The following CDH1 variants were observed in gnomAD, a reference collection of about 807,000 sequenced individuals.
CDH1 encodes cadherin 1.
CDH1 carries 35 observed loss-of-function variants against 84.5 expected under a neutral mutation model. The observed-to-expected ratio is 0.41, with a 90% CI of 0.32 to 0.55. The LOEUF (loss-of-function observed/expected upper bound fraction) is 0.55, where lower values mean the gene tolerates loss of function less well. Ranked by LOEUF, CDH1 falls within the 20% of genes least tolerant of loss-of-function variation. The pLI, the probability that CDH1 is intolerant of heterozygous loss-of-function variation, is 0.19. For synonymous variants in CDH1, 417 were observed against 439.0 expected (o/e 0.95, Z 0.63); for missense variants, 994 against 1,126.6 (o/e 0.88, Z 1.68).
chr16:68,794,685 CT>C (rs34110311), intron 2 of CDH1, among the ~76,000 whole-genome samples: 165 of 126,438 alleles, frequency 1.3e-3, no homozygotes, highest in Admixed American at 1.9e-3. Context: ...GCCGGGCTAA[CT>C]TTTTTTTTTT....
chr16:68,787,690 G>A (rs1567494800), intron 2 of CDH1, among the ~76,000 whole-genome samples: 1 of 151,724 alleles, frequency 6.6e-6, no homozygotes, highest in African/African-American at 2.4e-5. Context: ...ATAGAGTCTT[G>A]CTTTATCATC....
chr16:68,738,512 C>T, intron 2 of CDH1, 101 bp downstream of exon 2: 1 of 727,918 alleles, frequency 1.4e-6, no homozygotes, highest in East Asian at 2.8e-5. Context: ...GGGCAAGCTC[C>T]CTCCTTGGCT....
intron 2 of CDH1, among the ~76,000 whole-genome samples, chr16:68,772,392 C>T (rs1053880324): frequency 6.6e-6 from 1 of 152,124 alleles, no homozygotes; most frequent in Non-Finnish European, 1.5e-5. Flanking sequence ...AATTAGTTCA[C>T]TAAGATTAAT....
At chr16:68,759,837 AG>A (rs1243958755) in intron 2 of CDH1, among the ~76,000 whole-genome samples, 1 of 152,028 alleles carries the variant, frequency 6.6e-6, no homozygotes, top group African/African-American at 2.4e-5. Context: ...TTCTACAGCT[AG>A]GGGAGCTGGG....
At chr16:68,803,863 G>A (rs951295934) in intron 3 of CDH1, among the ~76,000 whole-genome samples, 1 of 152,062 alleles carries the variant, frequency 6.6e-6, no homozygotes, top group Non-Finnish European at 1.5e-5. Context: ...GGAAGCCCTA[G>A]GGTAAGCTGT....
chr16:68,800,290 TA>T (rs773199652), intron 2 of CDH1, among the ~76,000 whole-genome samples: 6 of 152,180 alleles, frequency 3.9e-5, no homozygotes, highest in Non-Finnish European at 7.3e-5. Flanking sequence ...CTCTGCCATT[TA>T]ATAGTTACAG....
At chr16:68,774,115 A>G (rs1428945959) in intron 2 of CDH1, among the ~76,000 whole-genome samples, 5 of 152,076 alleles carry the variant, frequency 3.3e-5, no homozygotes, top group Admixed American at 6.6e-5. Flanking sequence ...GGGTCTTGCT[A>G]TGTTGCCCAG....
chr16:68,823,902 A>T (rs1961245557), intron 13 of CDH1, among the ~76,000 whole-genome samples: 2 of 151,794 alleles, frequency 1.3e-5, no homozygotes, highest in African/African-American at 2.4e-5. Context: ...GTGCATCCCA[A>T]GCTTGAGAGC....
intron 2 of CDH1, among the ~76,000 whole-genome samples, chr16:68,758,987 G>A (rs1963090436): frequency 6.6e-6 from 1 of 151,934 alleles, no homozygotes; most frequent in African/African-American, 2.4e-5. Context: ...AGAGAGATGG[G>A]GTTTCACCAT....
chr16:68,816,705 A>C (rs1384009880), intron 10 of CDH1, among the ~76,000 whole-genome samples: 5 of 152,240 alleles, frequency 3.3e-5, no homozygotes, highest in Non-Finnish European at 7.4e-5. Context: ...GCTGAGATCG[A>C]GTCACTGCAC....
chr16:68,743,603 T>C (rs1962644224), intron 2 of CDH1, among the ~76,000 whole-genome samples: 1 of 151,940 alleles, frequency 6.6e-6, no homozygotes, highest in South Asian at 2.1e-4. Flanking sequence ...GAGCTCAAAG[T>C]GGTCTACCTG....
chr16:68,802,152 G>A (rs963037769), intron 3 of CDH1, among the ~76,000 whole-genome samples: 4 of 152,222 alleles, frequency 2.6e-5, no homozygotes, highest in Admixed American at 2.6e-4. Flanking sequence ...AGCCCAAGTT[G>A]AGGGCTCTTG....
rs10563852 is a variant in CDH1 at position 68,804,102 on chromosome 16, C to CTT, written c.387+2237_387+2238dup. Among the ~76,000 whole-genome samples, 366 of 75,110 alleles carry CTT rather than the reference C, an allele frequency of 4.9e-3. 108 individuals carry two copies. The highest frequency in any genetic ancestry group is 6.0e-3 in the Non-Finnish European group (227 of 38,050). The allele number at this position is 75,110 out of a possible 152,430, so 49.3% of individuals were successfully genotyped here. ...ATTCATTACTTAGTTATCTGTCTGC[C>CTT]TTTTTTTTTTTTTTTTTTTTTTTTT... On this transcript the variant is annotated intron_variant, in intron 3 of 15. Coordinates refer to ENST00000261769, the MANE Select transcript of CDH1 (RefSeq NM_004360.5).
Position 68,815,708 on chromosome 16 carries a change from T to C in CDH1, c.1514T>C (p.Ile505Thr), listed in dbSNP as rs1597898186. The C allele has an allele frequency of 3.7e-6, 6 of 1,614,182 alleles. No homozygotes were observed. The East Asian group carries it at 1.3e-4, about 36-fold the overall frequency. The change falls in exon 10 of 16, where the codon ATC (isoleucine) becomes ACC (threonine). Residue 505 changes from isoleucine (I) to threonine (T), a missense_variant. Ile to Thr is a moderately conservative substitution (Grantham distance 89, BLOSUM62 -1). Around this residue, in one of 3 missense-constraint regions of CDH1, gnomAD observed 769 missense variants for 881.8 expected, o/e 0.87. Transcript: ENST00000261769. ...GAGGACTTTGGCGTGGGCCAGGAAA[T>C]CACATCCTACACTGCCCAGGAGCCA... is the stretch of plus-strand genomic sequence containing the variant. ...VSEDFGVGQEITSYTAQEPDT... is the reference protein window; with the variant it reads ...VSEDFGVGQETTSYTAQEPDT...
chr16:68,789,925 G>A (rs1007758219), intron 2 of CDH1, among the ~76,000 whole-genome samples: 5 of 152,042 alleles, frequency 3.3e-5, no homozygotes, highest in African/African-American at 7.2e-5. Context: ...GCATGGTGGC[G>A]CATGCCTGTA....
At chr16:68,757,894 GT>G (rs1963055435) in intron 2 of CDH1, among the ~76,000 whole-genome samples, 1 of 150,500 alleles carries the variant, frequency 6.6e-6, no homozygotes. Flanking sequence ...CTGGGCTCAA[GT>G]CATCCCCATC....
chr16:68,763,663 T>A (rs2152119622), intron 2 of CDH1: 1 of 152,332 alleles, frequency 6.6e-6, no homozygotes, highest in East Asian at 1.9e-4. Flanking sequence ...GGAAAGTGGT[T>A]ACCGTTGTCA....
rs375210695 is a variant in CDH1 at position 68,749,436 on chromosome 16, C to T, written c.163+11025C>T. Among the ~76,000 whole-genome samples the T allele has an allele frequency of 3.3e-5, 5 of 152,130 alleles. No individual in the cohort carries two copies. The East Asian group carries it at 9.6e-4, about 29-fold the overall frequency. On this transcript the variant is annotated intron_variant, in intron 2 of 15. Coordinates refer to ENST00000261769, the MANE Select transcript of CDH1 (RefSeq NM_004360.5). ...AGGATAGTGATCTTTTTTCCTTAAT[C>T]TTGTGTCAATAGATACAGAGAGTTT... is the stretch of plus-strand genomic sequence containing the variant.
chr16:68,803,692 G>A (rs995081566), intron 3 of CDH1, among the ~76,000 whole-genome samples: 3 of 152,226 alleles, frequency 2.0e-5, no homozygotes, highest in Non-Finnish European at 2.9e-5. Context: ...CACTGAGCCC[G>A]GCTGCAGGGA....
Sources: gnomAD v4.1 joint callset for allele counts (sites outside exome capture counted in the v4.1 genomes callset) on GRCh38, gnomAD v4.1.1 for gene constraint, gnomAD v4.1.1 regional missense constraint, MANE v1.5 for transcripts, NCBI Gene and HGNC (gene_info 2026-07-23, HGNC 2026-07-21) for gene names.